GLP1R: variants seen among roughly 807,000 people sequenced by gnomAD.
GLP1R encodes the protein glucagon-like peptide 1 receptor.
In GLP1R, 32 loss-of-function variants were observed where a neutral mutation model predicts 68.4. The ratio of observed to expected loss-of-function variants is 0.47; its 90% CI spans 0.35 to 0.63. The LOEUF (loss-of-function observed/expected upper bound fraction) is 0.63. Among genes scored for constraint, GLP1R ranks in the 20% least tolerant of loss-of-function variants. The pLI is 0.00. For synonymous variants in GLP1R, 263 were observed against 244.4 expected, an observed-to-expected ratio of 1.08 and a Z score of -0.71; for missense variants, 502 against 594.9, an observed-to-expected ratio of 0.84 and a Z score of 1.62.
rs201037569 is a variant in GLP1R at position 39,086,635 on chromosome 6, C to T, written c.*562C>T. 5 of 152,872 alleles carry T rather than the reference C, an allele frequency of 3.3e-5. No individual in the cohort carries two copies. The highest frequency in any genetic ancestry group is 1.3e-4 in the Admixed American group (2 of 15,306). The allele number at this position is 152,872 out of a possible 1,614,324, so 9.5% of individuals were successfully genotyped here. On this transcript the variant is annotated 3_prime_UTR_variant, in exon 13 of 13. Transcript: ENST00000373256. The surrounding 1 kb of genome is among the most constrained non-coding windows in gnomAD (Gnocchi z 4.5). Reference sequence around the variant, plus strand: ...TTGCTTATTTCCCTCATCTTGCCCCCTCATCTCACTGCCCAGTTTCTTTTT... The same window carrying T: ...TTGCTTATTTCCCTCATCTTGCCCCTTCATCTCACTGCCCAGTTTCTTTTT...
rs1056768610 is a variant in GLP1R at position 39,054,604 on chromosome 6, C to T, written c.79-1793C>T. Among the ~76,000 whole-genome samples the T allele has an allele frequency of 3.9e-5, 6 of 152,312 alleles. No homozygotes were observed. In the South Asian group the frequency reaches 6.2e-4, roughly 16 times the overall value. ...CAGGAGGCCAGATTGGCCTTCATGG[C>T]GCTGTCGTTAACCCCTCCCCCCGCC... On this transcript the variant is annotated intron_variant, in intron 1 of 12. Transcript: ENST00000373256.
intron 3 of GLP1R, among the ~76,000 whole-genome samples, chr6:39,061,335 T>C (rs1201707138): frequency 2.0e-5 from 3 of 152,242 alleles, no homozygotes; most frequent in Non-Finnish European, 2.9e-5. Context: ...CAGCCTCGTT[T>C]ACCCACAAAC....
At chr6:39,074,467 G>C (rs1048099734) in intron 7 of GLP1R, 1 of 152,114 alleles carries the variant, frequency 6.6e-6, no homozygotes, top group Non-Finnish European at 1.5e-5. Context: ...TTCACCCCTG[G>C]GAAAACATGC....
At chr6:39,078,489 G>T (rs2150835694) in intron 8 of GLP1R, 107 bp downstream of exon 8, 3 of 811,452 alleles carry the variant, frequency 3.7e-6, no homozygotes, top group South Asian at 2.7e-5. Context: ...ATAAAGGGGG[G>T]TACCAGGAGC....
chr6:39,056,376 C>T (rs759907244), intron 1 of GLP1R, 21 bp from the exon 2 acceptor site: 8 of 1,339,388 alleles, frequency 6.0e-6, no homozygotes, highest in African/African-American at 1.4e-5. Flanking sequence ...CACAGGCCTC[C>T]CATATATGCC....
chr6:39,064,513 G>C (rs1270377915), intron 3 of GLP1R, among the ~76,000 whole-genome samples: 2 of 152,016 alleles, frequency 1.3e-5, no homozygotes, highest in African/African-American at 2.4e-5. Flanking sequence ...TGGTCCCCCT[G>C]TTCTTCCTAC....
At chr6:39,084,748 TCTCAA>T (rs1312615183) in intron 12 of GLP1R, among the ~76,000 whole-genome samples, 1 of 152,188 alleles carries the variant, frequency 6.6e-6, no homozygotes, top group Admixed American at 6.5e-5. Flanking sequence ...CTCTGGGCCA[TCTCAA>T]CTCTACTCAG....
At chr6:39,082,678 A>G (rs1033518103) in intron 12 of GLP1R, among the ~76,000 whole-genome samples, 1 of 152,162 alleles carries the variant, frequency 6.6e-6, no homozygotes, top group Non-Finnish European at 1.5e-5. Context: ...CCCTCCAGGA[A>G]TGCTCTCAGC....
At chr6:39,067,869 C>T (rs12199414) in intron 5 of GLP1R, among the ~76,000 whole-genome samples, 8,302 of 152,314 alleles carry the variant, frequency 0.055, 302 homozygotes, top group Non-Finnish European at 0.081. Context: ...CTTATGAAAT[C>T]ACTGAAGTTA....
rs977142161 is a variant in GLP1R, at chr6:39,057,675, C to A, written c.283+96C>A. The A allele has an allele frequency of 7.4e-6, 5 of 673,632 alleles. No individual in the cohort carries two copies. In the Admixed American group the frequency reaches 1.1e-4, roughly 15 times the overall value. 41.7% of individuals were successfully genotyped at this position (673,632 alleles called of 1,614,324 possible). A position where few individuals can be genotyped will look rare whatever the true frequency, so the allele number is the denominator to read the frequency against. ...TGCCCTGGGCCAGCAGTGGTGAGCC[C>A]CCTCCCCGACCTGATACCTGCCCTG... On this transcript the variant is annotated intron_variant, in intron 3 of 12. Transcript: ENST00000373256.
In GLP1R at chr6:39,069,612, T is replaced by C. The variant is rs1425759358; in HGVS notation, c.510-3250T>C. ...GAGATCGTGCCACTGCACTCCAGCC[T>C]GGGCGACAGAGTGAGACTCTGTCTC... On this transcript the variant is annotated intron_variant, in intron 5 of 12. Transcript: ENST00000373256. Among the ~76,000 whole-genome samples, 4 of 147,264 alleles carry C rather than the reference T, an allele frequency of 2.7e-5. No individual in the cohort carries two copies. In the Admixed American group the frequency reaches 2.8e-4, roughly 10 times the overall value.
rs1769156503 is a variant in GLP1R at position 39,086,656 on chromosome 6, T to G, written c.*583T>G. ...CCCCCTCATCTCACTGCCCAGTTTC[T>G]TTTTGAGGGGCTTTGTTTGGGCCAC... On this transcript the variant is annotated 3_prime_UTR_variant, in exon 13 of 13. Transcript: ENST00000373256. This position sits in a 1 kb window ranked among gnomAD's most constrained non-coding sequence, Gnocchi z 4.5. The G allele has an allele frequency of 6.5e-6, 1 of 152,710 alleles. No homozygotes were observed. The highest frequency in any genetic ancestry group is 1.5e-5 in the Non-Finnish European group (1 of 68,090). The allele number at this position is 152,710 out of a possible 1,614,324, so 9.5% of individuals were successfully genotyped here. A position where few individuals can be genotyped will look rare whatever the true frequency, so the allele number is the denominator to read the frequency against.
intron 7 of GLP1R, among the ~76,000 whole-genome samples, chr6:39,076,904 G>T (rs1242171873): frequency 6.6e-6 from 1 of 152,112 alleles, no homozygotes; most frequent in Non-Finnish European, 1.5e-5. Context: ...GTCATGTGAG[G>T]AAGGAAAATC....
In GLP1R at chr6:39,086,166, GACACACACACACACACAC is replaced by G. The variant is rs34093988; in HGVS notation, c.*115_*132del. On this transcript the variant is annotated 3_prime_UTR_variant, in exon 13 of 13. Transcript: ENST00000373256. The surrounding 1 kb of genome is among the most constrained non-coding windows in gnomAD (Gnocchi z 4.5). ...ACTCCCAGGGACAAGGGAAGGAAGG[GACACACACACACACACAC>G]ACACACACACACACACACACATACA... The G allele has an allele frequency of 1.0e-5, 6 of 582,742 alleles. No individual in the cohort carries two copies. Among genetic ancestry groups the G allele is most frequent in the Admixed American group, 2.7e-5 (1 of 36,578 alleles). The allele number at this position is 582,742 out of a possible 1,614,324, so 36.1% of individuals were successfully genotyped here.
intron 5 of GLP1R, among the ~76,000 whole-genome samples, chr6:39,069,417 C>T (rs1006925082): frequency 1.3e-5 from 2 of 152,108 alleles, no homozygotes; most frequent in Admixed American, 6.6e-5. Context: ...GTGGATCATG[C>T]GGTCAGGAGA....
At chr6:39,061,886 T>A (rs1768366156) in intron 3 of GLP1R, among the ~76,000 whole-genome samples, 1 of 152,198 alleles carries the variant, frequency 6.6e-6, no homozygotes, top group Admixed American at 6.5e-5. Context: ...TGCTCTACAG[T>A]ACCCTTCACC....
In GLP1R at chr6:39,058,352, C is replaced by T. The variant is rs918843284; in HGVS notation, c.283+773C>T. On this transcript the variant is annotated intron_variant, in intron 3 of 12. Transcript: ENST00000373256. The stretch of plus-strand genomic sequence containing the variant: ...AGTGATCAGGGCATTGGTGGGGTGA[C>T]GAACCCCACCAGACTCAGCCCTCCT... 9.9e-5 allele frequency among the ~76,000 whole-genome samples: 15 copies of T among 152,046 alleles called. No homozygotes were observed. In the East Asian group the frequency reaches 1.2e-3, roughly 12 times the overall value.
chr6:39,086,498 T>C lies in GLP1R; in HGVS notation c.*425T>C, dbSNP rs1462209674. 4.4e-5 allele frequency: 7 copies of C among 160,490 alleles called. 1 individual carries two copies. The South Asian group carries it at 5.8e-4, about 13-fold the overall frequency. 9.9% of individuals were successfully genotyped at this position (160,490 alleles called of 1,614,324 possible). A position where few individuals can be genotyped will look rare whatever the true frequency, so the allele number is the denominator to read the frequency against. On this transcript the variant is annotated 3_prime_UTR_variant, in exon 13 of 13. Transcript: ENST00000373256. This position sits in a 1 kb window ranked among gnomAD's most constrained non-coding sequence, Gnocchi z 4.5. ...GAGGTGGTTCTGAAAGTGGCTCTTC[T>C]AACCTCAGCCAAACACAGAGCGGGA...
chr6:39,084,293 C>A (rs1250883095), intron 12 of GLP1R, among the ~76,000 whole-genome samples: 2 of 152,168 alleles, frequency 1.3e-5, no homozygotes, highest in Non-Finnish European at 2.9e-5. Context: ...ACAGTAAGTG[C>A]CCAATAAATA....
Sources: gnomAD v4.1 joint callset for allele counts (sites outside exome capture counted in the v4.1 genomes callset) on GRCh38, gnomAD v4.1.1 for gene constraint, Gnocchi (gnomAD v3.1) non-coding constraint, MANE v1.5 for transcripts, NCBI Gene and HGNC (gene_info 2026-07-23, HGNC 2026-07-21) for gene names.